BCOR: variants seen among roughly 807,000 people sequenced by gnomAD.
The protein encoded by BCOR is BCL-6 corepressor.
Under a neutral mutation model 86.7 loss-of-function variants are expected in BCOR, and 10 were observed. The observed-to-expected ratio is 0.12, with a 90% CI of 0.07 to 0.20. BCOR has a LOEUF of 0.20. Ranked by LOEUF, BCOR falls within the 10% of genes least tolerant of loss-of-function variation. The probability of loss-of-function intolerance (pLI) is 1.00; values close to 1 mark genes in which losing one functional copy is unlikely to be tolerated. For synonymous variants in BCOR, 611 were observed against 609.0 expected (o/e 1.00, Z -0.05); for missense variants, 1,259 against 1,452.1 (o/e 0.87, Z 2.16).
In BCOR at chrX:40,160,775, T is replaced by G. The variant is rs187228976; in HGVS notation, c.-41+16232A>C. Reference sequence around the variant, plus strand: ...ACCTCCCAGGTTCAAACAATTCTCCTGCCTCAGCCTCCTCAGTAGCTGGGA... The same window carrying G: ...ACCTCCCAGGTTCAAACAATTCTCCGGCCTCAGCCTCCTCAGTAGCTGGGA... On this transcript the variant is annotated intron_variant, in intron 1 of 14. Coordinates refer to the BCOR transcript ENST00000342274. Among the ~76,000 whole-genome samples, 814 of 102,997 alleles carry G rather than the reference T, an allele frequency of 7.9e-3. 7 individuals are homozygous for G. Among genetic ancestry groups the G allele is most frequent in the African/African-American group, 0.028 (780 of 28,286 alleles). 89.4% of individuals were successfully genotyped at this position (102,997 alleles called of 115,157 possible). A position where few individuals can be genotyped will look rare whatever the true frequency, so the allele number is the denominator to read the frequency against.
chrX:40,101,635 G>A (rs973498898), upstream of BCOR, among the ~76,000 whole-genome samples: 4 of 112,683 alleles, frequency 3.5e-5, no homozygotes, highest in Non-Finnish European at 7.5e-5. Flanking sequence ...GACTCTGCAA[G>A]ACCCGCTAGG....
At chrX:40,139,913 T>C (rs1602258933) in intron 1 of BCOR, among the ~76,000 whole-genome samples, 1 of 108,890 alleles carries the variant, frequency 9.2e-6, no homozygotes, top group Admixed American at 9.9e-5. Flanking sequence ...GACTGAGAAA[T>C]GCGGGTGGGA....
chrX:40,163,894 C>T (rs1373893938), intron 1 of BCOR, among the ~76,000 whole-genome samples: 1 of 110,213 alleles, frequency 9.1e-6, no homozygotes, highest in African/African-American at 3.3e-5. Context: ...CATGGTGGTG[C>T]ATGCCTGTAA....
At chrX:40,106,639 G>A (rs2147810929) in intron 1 of BCOR, among the ~76,000 whole-genome samples, 1 of 112,516 alleles carries the variant, frequency 8.9e-6, no homozygotes, top group African/African-American at 3.2e-5. Flanking sequence ...TTTCGGCCTG[G>A]CACCATTACG....
chrX:40,062,837 C>G lies in BCOR; in HGVS notation c.4082G>C (p.Arg1361Thr). 8.3e-7 allele frequency: 1 copy of G among 1,211,812 alleles called. No individual in the cohort carries two copies. Among genetic ancestry groups the G allele is most frequent in the Non-Finnish European group, 1.1e-6 (1 of 895,480 alleles). ...GATCAAGTGTTTGGTTTTGCACAGTCTCTTCCCGGATGGCTTCTCGCTGTT... is the reference window on the plus strand; with the variant it reads ...GATCAAGTGTTTGGTTTTGCACAGTGTCTTCCCGGATGGCTTCTCGCTGTT... ...TDNSEKPSGK[R>T]LCKTKHLIPQ... is the part of the protein sequence containing the mutation. Residue 1361 changes from arginine (R) to threonine (T), a missense_variant, in exon 9 of 15, where the codon AGA becomes ACA. Transcript: ENST00000378444.
At chrX:40,056,281 TAA>T (rs60712024) in intron 11 of BCOR, among the ~76,000 whole-genome samples, 3,707 of 61,245 alleles carry the variant, frequency 0.061, 119 homozygotes, top group African/African-American at 0.14. Flanking sequence ...TGTCACACAT[TAA>T]AAAAAAAAAA....
chrX:40,156,592 C>T (rs947297535), intron 1 of BCOR, among the ~76,000 whole-genome samples: 2 of 113,174 alleles, frequency 1.8e-5, no homozygotes, highest in Non-Finnish European at 3.8e-5. Context: ...CCCCCCAGGC[C>T]CCCTTTCAGC....
chrX:40,091,507 T>TAA (rs1257992366), intron 1 of BCOR, among the ~76,000 whole-genome samples: 2 of 112,552 alleles, frequency 1.8e-5, no homozygotes. Flanking sequence ...CCCTCGATTG[T>TAA]AAACACATGG....
At chrX:40,076,650 T>C (rs748012716) in intron 2 of BCOR, 118 bp from the exon 3 acceptor site, 2 of 523,217 alleles carry the variant, frequency 3.8e-6, no homozygotes, top group Non-Finnish European at 6.7e-6. Flanking sequence ...TCCTTAACCC[T>C]CCGCCCCCAC....
intron 1 of BCOR, among the ~76,000 whole-genome samples, chrX:40,121,068 G>A (rs1040572817): frequency 1.8e-5 from 2 of 111,245 alleles, no homozygotes; most frequent in African/African-American, 6.5e-5. Flanking sequence ...ATTCTAGGGT[G>A]GCCAGATTGC....
chrX:40,063,945 C>A lies in BCOR; in HGVS notation c.3510G>T (p.Trp1170Cys), dbSNP rs753855928. The change falls in exon 8 of 15, where the codon TGG (tryptophan) becomes TGT (cysteine). Residue 1170 changes from tryptophan to cysteine, a missense_variant. Transcript: ENST00000378444. ...AKRRRVSKDD[W>C]PEREMTNSSS... ...AACTGTTTGTCATTTCCCTCTCAGG[C>A]CAGTCATCTAATGGAGAAATAACTA... 8.4e-7 allele frequency: 1 copy of A among 1,195,202 alleles called. No homozygotes were observed. Among genetic ancestry groups the A allele is most frequent in the East Asian group, 3.0e-5 (1 of 33,574 alleles).
Position 40,063,846 on chromosome X carries a change from G to T in BCOR, c.3609C>A (p.Leu1203=), listed in dbSNP as rs780802565. 64 of 1,210,174 alleles carry T rather than the reference G, an allele frequency of 5.3e-5. No individual in the cohort carries two copies. Among genetic ancestry groups the T allele is most frequent in the Non-Finnish European group, 6.9e-5 (62 of 895,210 alleles). ...NLKVCIELTG[L]HPKKQRHLLH... ...GCAAGTGGCGTTGTTTTTTAGGATG[G>T]AGCCCTGTTAATTCAATGCACACCT... The change falls in exon 8 of 15, where the codon CTC becomes CTA. Residue 1203 remains leucine (L), a synonymous_variant. Transcript: ENST00000378444.
chrX:40,070,633 T>TGTGG (rs1935430235), intron 6 of BCOR, among the ~76,000 whole-genome samples: 1 of 111,756 alleles, frequency 8.9e-6, no homozygotes, highest in Non-Finnish European at 1.9e-5. Flanking sequence ...GGACTCTTCA[T>TGTGG]TCCACATCAG....
intron 1 of BCOR, among the ~76,000 whole-genome samples, chrX:40,137,704 G>A (rs1937714114): frequency 9.0e-6 from 1 of 111,428 alleles, no homozygotes; most frequent in African/African-American, 3.3e-5. Flanking sequence ...TTGTCTGTTG[G>A]GGGGCCCCAA....
rs1461773676 is a variant in BCOR at position 40,051,618 on chromosome X, C to G, written c.*491G>C. 1.1e-5 allele frequency: 2 copies of G among 174,991 alleles called. No individual in the cohort carries two copies. The highest frequency in any genetic ancestry group is 5.9e-5 in the African/African-American group (2 of 33,948). 14.4% of individuals were successfully genotyped at this position (174,991 alleles called of 1,213,427 possible). On this transcript the variant is annotated 3_prime_UTR_variant, in exon 15 of 15. Transcript: ENST00000378444. ...TGGTTTGAATTTATATTACACACTA[C>G]TGGATTACATCCAATAGCATTTACC... is the stretch of plus-strand genomic sequence containing the variant.
upstream of BCOR, among the ~76,000 whole-genome samples, chrX:40,100,708 A>G (rs1249804781): frequency 4.4e-4 from 48 of 109,811 alleles, 4 homozygotes; most frequent in African/African-American, 3.3e-5. Flanking sequence ...TCAAAAAAAA[A>G]AAAAGAAAAG....
At chrX:40,175,914 G>A (rs959479357) in intron 1 of BCOR, among the ~76,000 whole-genome samples, 1 of 112,783 alleles carries the variant, frequency 8.9e-6, no homozygotes, top group African/African-American at 3.2e-5. Context: ...TTTCCCGTCC[G>A]AGGCCAGACC....
chrX:40,063,494 T>C (rs1299245812), intron 8 of BCOR, 114 bp downstream of exon 8: 5 of 604,339 alleles, frequency 8.3e-6, no homozygotes, highest in African/African-American at 4.5e-5. Context: ...CACATCTTCG[T>C]TGAAGTCAAT....
intron 1 of BCOR, among the ~76,000 whole-genome samples, chrX:40,092,444 G>A (rs2147637023): frequency 9.1e-6 from 1 of 109,513 alleles, no homozygotes; most frequent in Non-Finnish European, 1.9e-5. Context: ...GGCTGTCCCC[G>A]CCACGGTCTC....
Sources: allele counts gnomAD v4.1 joint callset (sites outside exome capture counted in the v4.1 genomes callset), GRCh38; gene constraint gnomAD v4.1.1; transcripts MANE v1.5; gene names NCBI Gene and HGNC (gene_info 2026-07-23, HGNC 2026-07-21).